CHEK1: variants seen among roughly 807,000 people sequenced by gnomAD.
CHEK1 encodes the protein checkpoint kinase 1.
CHEK1 carries 32 observed loss-of-function variants against 60.2 expected under a neutral mutation model. The ratio of observed to expected loss-of-function variants is 0.53; its 90% CI spans 0.40 to 0.71. The LOEUF is 0.71. CHEK1 is among the 30% of genes least tolerant of loss of function. The probability of loss-of-function intolerance (pLI) is 0.00; values close to 1 mark genes in which losing one functional copy is unlikely to be tolerated. For synonymous variants in CHEK1, 179 were observed against 187.2 expected, an observed-to-expected ratio of 0.96 and a Z score of 0.36; for missense variants, 399 against 564.6, an observed-to-expected ratio of 0.71 and a Z score of 2.97.
At chr11:125,629,921 C>G (rs563936853) in intron 5 of CHEK1, among the ~76,000 whole-genome samples, 1 of 152,020 alleles carries the variant, frequency 6.6e-6, no homozygotes, top group East Asian at 1.9e-4. Context: ...GTGGAGTCTT[C>G]CTGTGTTGCT....
At chr11:125,638,105 G>T (rs1941142241) in intron 8 of CHEK1, among the ~76,000 whole-genome samples, 1 of 152,166 alleles carries the variant, frequency 6.6e-6, no homozygotes, top group Admixed American at 6.5e-5. Context: ...GCCAATTTGT[G>T]GAAGAAGACC....
intron 11 of CHEK1, among the ~76,000 whole-genome samples, chr11:125,648,122 T>TTA (rs1323078284): frequency 2.0e-5 from 3 of 151,746 alleles, no homozygotes; most frequent in Non-Finnish European, 4.4e-5. Context: ...TTTTTTTTTT[T>TTA]ATCCTGATGC....
chr11:125,626,891 TCA>T, intron 2 of CHEK1, 58 bp downstream of exon 2: 2 of 1,543,702 alleles, frequency 1.3e-6, no homozygotes, highest in Non-Finnish European at 1.8e-6. Flanking sequence ...TTTTGGAGTC[TCA>T]CACTCTGGTG....
At chr11:125,647,700 CA>C (rs986253501) in intron 11 of CHEK1, among the ~76,000 whole-genome samples, 2 of 152,164 alleles carry the variant, frequency 1.3e-5, no homozygotes, top group Admixed American at 1.3e-4. Flanking sequence ...TTTGCATATG[CA>C]TATTGAGATA....
At chr11:125,632,744 G>A (rs905968726) in intron 5 of CHEK1, among the ~76,000 whole-genome samples, 2 of 152,032 alleles carry the variant, frequency 1.3e-5, no homozygotes, top group Non-Finnish European at 2.9e-5. Flanking sequence ...CTGCCAACTG[G>A]GTTTGTTTGC....
intron 8 of CHEK1, among the ~76,000 whole-genome samples, chr11:125,640,603 T>G (rs1426621375): frequency 6.6e-6 from 1 of 151,772 alleles, no homozygotes; most frequent in African/African-American, 2.4e-5. Flanking sequence ...GGGATCTCGC[T>G]CTGTCGCCCA....
At chr11:125,629,200 A>G (rs1390084275) in intron 3 of CHEK1, 32 bp from the exon 4 acceptor site, 3 of 1,603,072 alleles carry the variant, frequency 1.9e-6, no homozygotes, top group African/African-American at 1.3e-5. Flanking sequence ...GATTATATTT[A>G]GTCAATAAAC....
intron 13 of CHEK1, among the ~76,000 whole-genome samples, chr11:125,662,585 T>A (rs1794301743): frequency 6.6e-6 from 1 of 152,256 alleles, no homozygotes; most frequent in South Asian, 2.1e-4. Context: ...AGTTCATTCC[T>A]TTTTATTGCT....
At position 125,674,684 on chromosome 11, in the gene CHEK1, G is replaced by T. The variant is rs113229545; in HGVS notation, c.*28-1244G>T. On this transcript the variant is annotated intron_variant, in intron 13 of 13. Transcript: ENST00000428830. ...CCTGAAGAAGCGCTTTGACCAACCT[G>T]GATGGGCTACTGGCTCTGCCTTTTC... 1.4e-4 allele frequency among the ~76,000 whole-genome samples: 22 copies of T among 152,272 alleles called. 1 individual carries two copies. Among genetic ancestry groups the T allele is most frequent in the African/African-American group, 5.3e-4 (22 of 41,558 alleles).
chr11:125,632,828 G>A (rs1411873155), intron 5 of CHEK1, among the ~76,000 whole-genome samples: 4 of 152,096 alleles, frequency 2.6e-5, no homozygotes, highest in Non-Finnish European at 5.9e-5. Context: ...GAGGGGCCTT[G>A]CTTTACTTTC....
chr11:125,680,841 G>A, downstream of CHEK1: 1 of 1,430,336 alleles, frequency 7.0e-7, no homozygotes, highest in Non-Finnish European at 9.8e-7. Context: ...GAGCTATGAA[G>A]CAAACTGCGA....
chr11:125,647,068 T>C (rs889998132), intron 11 of CHEK1, among the ~76,000 whole-genome samples: 3 of 152,188 alleles, frequency 2.0e-5, no homozygotes, highest in African/African-American at 4.8e-5. Flanking sequence ...ATTTATACTT[T>C]ATGCTTTCTT....
intron 5 of CHEK1, among the ~76,000 whole-genome samples, chr11:125,632,572 C>T (rs565416): frequency 0.32 from 48,407 of 151,934 alleles, 7,965 homozygotes; most frequent in East Asian, 0.42. Flanking sequence ...TAAGTCCTGC[C>T]TGCAGTTTTT....
chr11:125,673,164 C>T (rs891257779), intron 13 of CHEK1, among the ~76,000 whole-genome samples: 3 of 148,640 alleles, frequency 2.0e-5, no homozygotes, highest in Admixed American at 2.0e-4. Flanking sequence ...CTTTTTTAAC[C>T]TCTTTGCTTG....
At position 125,632,903 on chromosome 11, in the gene CHEK1, A is replaced by G. The variant is rs3731409; in HGVS notation, c.425-260A>G. On this transcript the variant is annotated intron_variant, in intron 5 of 12. Coordinates refer to ENST00000438015, the MANE Select transcript of CHEK1 (RefSeq NM_001114122.3). Reference sequence around the variant, plus strand: ...CTTCTGACTCCAGCCTCTTTCTTTAATCTGGTCCAGACTGTTCTGTGTGTT... The same window carrying G: ...CTTCTGACTCCAGCCTCTTTCTTTAGTCTGGTCCAGACTGTTCTGTGTGTT... Among the ~76,000 whole-genome samples the G allele has an allele frequency of 9.3e-3, 1,408 of 152,194 alleles. 22 individuals carry two copies. The highest frequency in any genetic ancestry group is 0.03 in the African/African-American group (1,258 of 41,536).
chr11:125,664,973 G>A (rs1023192349), intron 13 of CHEK1, among the ~76,000 whole-genome samples: 31 of 152,138 alleles, frequency 2.0e-4, no homozygotes, highest in Admixed American at 5.9e-4. Flanking sequence ...TGAAAGATAC[G>A]GCTCTAGTTT....
downstream of CHEK1, among the ~76,000 whole-genome samples, chr11:125,659,907 A>AT (rs758633646): frequency 1.3e-5 from 2 of 151,868 alleles, no homozygotes; most frequent in Admixed American, 6.6e-5. Context: ...ACTAACCTAC[A>AT]TTTTGTCTCT....
At chr11:125,649,127 G>A (rs1469377917) in intron 11 of CHEK1, among the ~76,000 whole-genome samples, 1 of 152,078 alleles carries the variant, frequency 6.6e-6, no homozygotes, top group Non-Finnish European at 1.5e-5. Flanking sequence ...TCATCAGTCT[G>A]TTTATTTTGT....
exon 14 of CHEK1, chr11:125,676,196 C>A: frequency 2.2e-6 from 2 of 924,470 alleles, no homozygotes; most frequent in Admixed American, 5.3e-5. Context: ...GTGTGAGCCA[C>A]CTCGCCTGGC....
Sources: gnomAD v4.1 joint callset for allele counts (sites outside exome capture counted in the v4.1 genomes callset) on GRCh38, gnomAD v4.1.1 for gene constraint, MANE v1.5 for transcripts, NCBI Gene and HGNC (gene_info 2026-07-23, HGNC 2026-07-21) for gene names.